Variants in TRIM9 observed in about 807,000 individuals in gnomAD.
TRIM9 encodes the protein tripartite motif containing 9, also known as E3 ubiquitin-protein ligase TRIM9.
TRIM9 carries 26 observed loss-of-function variants against 78.3 expected under a neutral mutation model. That is an observed-to-expected ratio of 0.33 (90% confidence interval 0.24 to 0.46). TRIM9 has a LOEUF of 0.46. TRIM9 is among the 20% of genes least tolerant of loss of function. The pLI is 1.00. For synonymous variants in TRIM9, 398 were observed against 416.5 expected (o/e 0.96, Z 0.54); for missense variants, 787 against 1,036.4 (o/e 0.76, Z 3.30).
chr14:51,033,393 A>T (rs192279887), intron 1 of TRIM9, among the ~76,000 whole-genome samples: 1 of 152,220 alleles, frequency 6.6e-6, no homozygotes, highest in Non-Finnish European at 1.5e-5. Context: ...GCCTAGCCCA[A>T]TGATGTTTTT....
In TRIM9 at chr14:51,030,666, AGTGT is replaced by A. The variant is rs1217231746; in HGVS notation, c.823-5310_823-5307del. Among the ~76,000 whole-genome samples, 5 of 151,988 alleles carry A rather than the reference AGTGT, an allele frequency of 3.3e-5. No homozygotes were observed. The East Asian group carries it at 9.6e-4, about 29-fold the overall frequency. ...ATGTGGGTAAGAATGTGAGTTTAAG[AGTGT>A]GTAAGTATGTAAGAATGTGTATGTG... On this transcript the variant is annotated intron_variant, in intron 1 of 12. Transcript: ENST00000684578.
rs1041176882 is a variant in TRIM9 at position 51,062,875 on chromosome 14, A to G, written c.822+31243T>C. 3.9e-5 allele frequency among the ~76,000 whole-genome samples: 6 copies of G among 152,354 alleles called. No homozygotes were observed. In the East Asian group the frequency reaches 9.6e-4, roughly 24 times the overall value. On this transcript the variant is annotated intron_variant, in intron 1 of 12. Coordinates refer to ENST00000684578, the MANE Select transcript of TRIM9 (RefSeq NM_001387360.1). ...GAAGAGGAGTTAGAGCTTGAGTCCTATCAGTATGAATTACTTTATAGATAC... is the reference window on the plus strand; with the variant it reads ...GAAGAGGAGTTAGAGCTTGAGTCCTGTCAGTATGAATTACTTTATAGATAC...
chr14:50,996,150 T>A (rs1004722921), intron 7 of TRIM9: 2 of 985,106 alleles, frequency 2.0e-6, no homozygotes, highest in Non-Finnish European at 2.4e-6. Flanking sequence ...ATCTATATGA[T>A]GATAGGCTTT....
rs371542917 is a variant in TRIM9 at position 51,016,129 on chromosome 14, C to T, written c.1042-5635G>A. Among the ~76,000 whole-genome samples the T allele has an allele frequency of 4.5e-4, 69 of 152,286 alleles. 1 individual carries two copies. The South Asian group carries it at 0.01, about 22-fold the overall frequency. ...GCATGGTACTGGCATATTACCTATGCACATCCTCTTATATACTTTAAATCA... is the reference window on the plus strand; with the variant it reads ...GCATGGTACTGGCATATTACCTATGTACATCCTCTTATATACTTTAAATCA... On this transcript the variant is annotated intron_variant, in intron 3 of 12. Transcript: ENST00000684578.
At chr14:51,006,757 T>A (rs1952243846) in intron 5 of TRIM9, among the ~76,000 whole-genome samples, 1 of 152,202 alleles carries the variant, frequency 6.6e-6, no homozygotes, top group South Asian at 2.1e-4. Context: ...TGGTTTCAGA[T>A]GGATTTGTGC....
chr14:51,033,516 T>C (rs2058905418), intron 1 of TRIM9, among the ~76,000 whole-genome samples: 1 of 152,262 alleles, frequency 6.6e-6, no homozygotes. Context: ...TGGGGTAGAC[T>C]GTAGTATCGT....
chr14:51,036,606 A>C (rs2059173395), intron 1 of TRIM9, among the ~76,000 whole-genome samples: 1 of 152,198 alleles, frequency 6.6e-6, no homozygotes, highest in African/African-American at 2.4e-5. Flanking sequence ...AATAATTGTT[A>C]CACTATACTA....
chr14:51,018,285 GCCTT>G (rs567969876), intron 3 of TRIM9, among the ~76,000 whole-genome samples: 55 of 150,798 alleles, frequency 3.6e-4, no homozygotes, highest in Non-Finnish European at 5.9e-4. Context: ...CTGCCTGCCT[GCCTT>G]CCTTCCTTCC....
At chr14:51,015,591 A>G (rs998440099) in intron 3 of TRIM9, among the ~76,000 whole-genome samples, 1 of 127,162 alleles carries the variant, frequency 7.9e-6, no homozygotes, top group Non-Finnish European at 1.6e-5. Flanking sequence ...ACAGTTTACC[A>G]CAGCCTCAAC....
chr14:51,038,278 T>G (rs1040868663), intron 1 of TRIM9, among the ~76,000 whole-genome samples: 1 of 152,206 alleles, frequency 6.6e-6, no homozygotes. Context: ...TGGATTCTCC[T>G]TTAGAGCATC....
chr14:51,038,750 A>G (rs980480540), intron 1 of TRIM9, among the ~76,000 whole-genome samples: 3 of 152,224 alleles, frequency 2.0e-5, no homozygotes, highest in Non-Finnish European at 2.9e-5. Flanking sequence ...CCTCCTGCCA[A>G]TCACCAAGAG....
intron 1 of TRIM9, among the ~76,000 whole-genome samples, chr14:51,041,505 T>G (rs990491197): frequency 6.6e-6 from 1 of 152,196 alleles, no homozygotes; most frequent in East Asian, 1.9e-4. Context: ...AGGGAATAGG[T>G]TTTAAAGCAT....
rs747864289 is a variant in TRIM9, at chr14:51,094,291, C to G, written c.649G>C (p.Val217Leu). ...TTGCGTGGGCTCAGCCTCCGGCTCA[C>G]ACGACCCTGGGCCGGGGGCACCAGG... ...HRLVPPAQGR[V>L]SRRLSPRKVS... Residue 217 changes from valine (V) to leucine (L), a missense_variant, in exon 1 of 13, where the codon GTG becomes CTG. Physicochemically the swap from Val to Leu is conservative, Grantham distance 32. Transcript: ENST00000684578. 3 of 1,614,026 alleles carry G rather than the reference C, an allele frequency of 1.9e-6. No homozygotes were observed. Among genetic ancestry groups the G allele is most frequent in the Non-Finnish European group, 2.5e-6 (3 of 1,179,984 alleles).
In TRIM9 at chr14:51,094,883, C is replaced by T. The variant is rs760284946; in HGVS notation, c.57G>A (p.Glu19=). Residue 19 remains glutamate (E), a synonymous_variant, in exon 1 of 13, where the codon GAG becomes GAA. Coordinates refer to ENST00000684578, the MANE Select transcript of TRIM9 (RefSeq NM_001387360.1). The part of the protein sequence containing the change: ...KCPVCGSFYR[E]PIILPCSHNL... Reference sequence around the variant, plus strand: ...TGTGAGAGCAGGGCAGGATGATGGGCTCCCGATAGAAGGAGCCGCACACGG... The same window carrying T: ...TGTGAGAGCAGGGCAGGATGATGGGTTCCCGATAGAAGGAGCCGCACACGG... 2.7e-5 allele frequency: 41 copies of T among 1,518,046 alleles called. No homozygotes were observed. The highest frequency in any genetic ancestry group is 3.4e-5 in the Non-Finnish European group (39 of 1,136,674). 94.0% of individuals were successfully genotyped at this position (1,518,046 alleles called of 1,614,324 possible). A position where few individuals can be genotyped will look rare whatever the true frequency, so the allele number is the denominator to read the frequency against.
At chr14:51,001,445 G>A (rs1430440245) in intron 5 of TRIM9, among the ~76,000 whole-genome samples, 1 of 152,000 alleles carries the variant, frequency 6.6e-6, no homozygotes, top group African/African-American at 2.4e-5. Context: ...TAGCCAGGAT[G>A]GTCTTGATCT....
chr14:51,023,344 C>A (rs775445983), intron 2 of TRIM9, among the ~76,000 whole-genome samples: 2 of 151,876 alleles, frequency 1.3e-5, no homozygotes, highest in Non-Finnish European at 2.9e-5. Context: ...TGCTGAGGCA[C>A]GAGAAATCAT....
chr14:51,093,981 C>T (rs80077959), intron 1 of TRIM9, 137 bp downstream of exon 1: 10,738 of 808,594 alleles, frequency 0.013, 96 homozygotes, highest in Non-Finnish European at 0.015. Context: ...ATGCACCAGA[C>T]CAGGGAGGTA....
intron 1 of TRIM9, among the ~76,000 whole-genome samples, chr14:51,037,535 T>G (rs2059255539): frequency 6.6e-6 from 1 of 152,080 alleles, no homozygotes; most frequent in African/African-American, 2.4e-5. Flanking sequence ...TTTTTGCACT[T>G]AAGTGCAAAC....
intron 7 of TRIM9, among the ~76,000 whole-genome samples, chr14:50,989,432 C>T (rs1222948510): frequency 6.6e-6 from 1 of 152,236 alleles, no homozygotes; most frequent in Non-Finnish European, 1.5e-5. Flanking sequence ...CATTCATATT[C>T]TATTATTAAG....
Sources: gnomAD v4.1 joint callset for allele counts (sites outside exome capture counted in the v4.1 genomes callset) on GRCh38, gnomAD v4.1.1 for gene constraint, MANE v1.5 for transcripts, NCBI Gene and HGNC (gene_info 2026-07-23, HGNC 2026-07-21) for gene names.